GRIK2: variants seen among roughly 807,000 people sequenced by gnomAD.
GRIK2 encodes glutamate receptor ionotropic, kainate 2.
GRIK2 carries 32 observed loss-of-function variants against 100.3 expected under a neutral mutation model. The ratio of observed to expected loss-of-function variants is 0.32; its 90% confidence interval spans 0.24 to 0.43. The LOEUF (loss-of-function observed/expected upper bound fraction) is 0.43, where lower values mean the gene tolerates loss of function less well. GRIK2 is among the 20% of genes least tolerant of loss of function. The pLI, the probability that GRIK2 is intolerant of heterozygous loss-of-function variation, is 1.00. For synonymous variants in GRIK2, 417 were observed against 389.4 expected, an observed-to-expected ratio of 1.07 and a Z score of -0.83; for missense variants, 843 against 1,114.9, an observed-to-expected ratio of 0.76 and a Z score of 3.47.
chr6:101,697,688 T>C (rs569037297), intron 7 of GRIK2, among the ~76,000 whole-genome samples: 148 of 152,160 alleles, frequency 9.7e-4, no homozygotes, highest in African/African-American at 3.4e-3. Context: ...TCTATTTCCA[T>C]CTGAGAGCAA....
At chr6:101,633,888 A>G (rs1780884241) in intron 4 of GRIK2, among the ~76,000 whole-genome samples, 1 of 152,092 alleles carries the variant, frequency 6.6e-6, no homozygotes, top group Non-Finnish European at 1.5e-5. Flanking sequence ...CATACATAGC[A>G]CATAAGTGAT....
At chr6:101,765,527 A>G (rs1321416597) in intron 7 of GRIK2, among the ~76,000 whole-genome samples, 3 of 152,062 alleles carry the variant, frequency 2.0e-5, no homozygotes, top group African/African-American at 2.4e-5. Context: ...CAATTATTTC[A>G]GATTGCATTT....
intron 7 of GRIK2, among the ~76,000 whole-genome samples, chr6:101,723,414 A>G (rs559040067): frequency 1.3e-5 from 2 of 152,160 alleles, no homozygotes; most frequent in African/African-American, 4.8e-5. Flanking sequence ...ATAAAAGAAA[A>G]TTAGAAATCT....
At position 101,926,396 on chromosome 6, in the gene GRIK2, A is replaced by G. The variant is rs556938000; in HGVS notation, c.1867+1677A>G. 2.6e-5 allele frequency among the ~76,000 whole-genome samples: 4 copies of G among 152,236 alleles called. No homozygotes were observed. In the South Asian group the frequency reaches 8.3e-4, roughly 32 times the overall value. On this transcript the variant is annotated intron_variant, in intron 13 of 16. Coordinates refer to ENST00000369134, the MANE Select transcript of GRIK2 (RefSeq NM_021956.5). ...AATAATTAGTAGTCTGGAGGGAGTT[A>G]TCCTCATAATAAACATCTGACCATA... is the stretch of plus-strand genomic sequence containing the variant.
At chr6:101,465,450 A>AT (rs1771591038) in intron 2 of GRIK2, among the ~76,000 whole-genome samples, 1 of 152,098 alleles carries the variant, frequency 6.6e-6, no homozygotes, top group Non-Finnish European at 1.5e-5. Context: ...ACATGTTTTC[A>AT]TTTTTTTAAA....
intron 2 of GRIK2, among the ~76,000 whole-genome samples, chr6:101,509,507 G>A (rs1296859164): frequency 1.3e-5 from 2 of 152,180 alleles, no homozygotes; most frequent in African/African-American, 4.8e-5. Context: ...AAAATGTGCT[G>A]CCATCTTCTT....
At position 101,601,497 on chromosome 6, in the gene GRIK2, C is replaced by G. The variant is rs1779212407; in HGVS notation, c.116-20452C>G. ...TCCTTCTTGATGTTTTGGAATAGTT[C>G]TGGTAGAATTAGTACCAGCCCTTCT... On this transcript the variant is annotated intron_variant, in intron 2 of 16. Coordinates refer to ENST00000369134, the MANE Select transcript of GRIK2 (RefSeq NM_021956.5). Among the ~76,000 whole-genome samples the G allele has an allele frequency of 2.6e-5, 4 of 151,798 alleles. No individual in the cohort carries two copies. In the South Asian group the frequency reaches 8.3e-4, roughly 31 times the overall value.
intron 2 of GRIK2, among the ~76,000 whole-genome samples, chr6:101,484,208 C>T (rs1326299997): frequency 1.3e-5 from 2 of 152,096 alleles, no homozygotes; most frequent in Non-Finnish European, 2.9e-5. Flanking sequence ...TTTGATAGCA[C>T]ATATGAATAA....
chr6:101,798,851 T>G (rs1780483748), intron 7 of GRIK2, among the ~76,000 whole-genome samples: 1 of 152,138 alleles, frequency 6.6e-6, no homozygotes, highest in African/African-American at 2.4e-5. Flanking sequence ...TGTTATGACT[T>G]ATAAACATTT....
At chr6:101,914,453 TC>T (rs1788963338) in intron 12 of GRIK2, among the ~76,000 whole-genome samples, 1 of 151,520 alleles carries the variant, frequency 6.6e-6, no homozygotes. Flanking sequence ...TTCTAGCTAA[TC>T]CAAAATCGGC....
At chr6:101,699,593 G>A (rs548024553) in intron 7 of GRIK2, among the ~76,000 whole-genome samples, 1 of 152,150 alleles carries the variant, frequency 6.6e-6, no homozygotes, top group South Asian at 2.1e-4. Flanking sequence ...GGTCTTGATT[G>A]TTTTTCTCCT....
At chr6:101,682,518 A>G in intron 5 of GRIK2, 35 bp from the exon 6 acceptor site, 1 of 918,398 alleles carries the variant, frequency 1.1e-6, no homozygotes, top group African/African-American at 1.7e-5. Context: ...TCTTTCCTGA[A>G]ATATGTACCT....
chr6:102,035,311 T>G, intron 14 of GRIK2, 30 bp from the exon 15 acceptor site: 1 of 1,322,854 alleles, frequency 7.6e-7, no homozygotes, highest in Non-Finnish European at 1.1e-6. Context: ...AATAACTTTC[T>G]CGTGACCAAC....
At chr6:101,720,827 A>G (rs1400264619) in intron 7 of GRIK2, among the ~76,000 whole-genome samples, 1 of 152,078 alleles carries the variant, frequency 6.6e-6, no homozygotes, top group Non-Finnish European at 1.5e-5. Flanking sequence ...TTATTGCTGG[A>G]TGAAATTTTT....
chr6:101,932,486 C>G (rs564919522), intron 14 of GRIK2, among the ~76,000 whole-genome samples: 1 of 152,002 alleles, frequency 6.6e-6, no homozygotes, highest in Admixed American at 6.6e-5. Flanking sequence ...AGATTCTAAT[C>G]TATACATCAC....
At chr6:101,539,231 T>A (rs542156248) in intron 2 of GRIK2, among the ~76,000 whole-genome samples, 3 of 151,886 alleles carry the variant, frequency 2.0e-5, no homozygotes, top group African/African-American at 7.2e-5. Flanking sequence ...TTTTATTTAG[T>A]TCTTTGAAAA....
intron 2 of GRIK2, among the ~76,000 whole-genome samples, chr6:101,414,518 G>A (rs1776024980): frequency 6.6e-6 from 1 of 152,150 alleles, no homozygotes; most frequent in African/African-American, 2.4e-5. Flanking sequence ...AAAACAAAAG[G>A]TAGTTGTTCA....
chr6:101,762,282 C>T (rs1049801573), intron 7 of GRIK2, among the ~76,000 whole-genome samples: 11 of 151,936 alleles, frequency 7.2e-5, no homozygotes, highest in Non-Finnish European at 1.5e-4. Flanking sequence ...TCGAATGATC[C>T]TCCCATCTCA....
chr6:101,564,841 G>A (rs540386504), intron 2 of GRIK2, among the ~76,000 whole-genome samples: 2 of 152,174 alleles, frequency 1.3e-5, no homozygotes, highest in Admixed American at 6.6e-5. Flanking sequence ...AGGAACATGT[G>A]TATGGGACAA....
Sources: gnomAD v4.1 joint callset for allele counts (sites outside exome capture counted in the v4.1 genomes callset) on GRCh38, gnomAD v4.1.1 for gene constraint, MANE v1.5 for transcripts, NCBI Gene and HGNC (gene_info 2026-07-23, HGNC 2026-07-21) for gene names.